FAM169A: variants seen among roughly 807,000 people sequenced by gnomAD.
FAM169A encodes family with sequence similarity 169 member A.
Under a neutral mutation model 75.7 loss-of-function variants are expected in FAM169A, and 24 were observed. The observed-to-expected ratio is 0.32, with a 90% CI of 0.23 to 0.45. The LOEUF is 0.45. FAM169A is among the 20% of genes least tolerant of loss of function. The pLI is 1.00. For synonymous variants in FAM169A, 271 were observed against 271.0 expected (o/e 1.00, Z 0.00); for missense variants, 673 against 784.0 (o/e 0.86, Z 1.69).
At chr5:74,786,528 C>T (rs577606023) in intron 11 of FAM169A, among the ~76,000 whole-genome samples, 6 of 152,190 alleles carry the variant, frequency 3.9e-5, no homozygotes, top group Middle Eastern at 6.8e-3. Context: ...ATACACCGCT[C>T]GTGAGAGGGA....
At chr5:74,824,662 GAAA>G (rs1306147974) in intron 5 of FAM169A, among the ~76,000 whole-genome samples, 1 of 131,658 alleles carries the variant, frequency 7.6e-6, no homozygotes, top group Non-Finnish European at 1.6e-5. Context: ...TAAGACTTAA[GAAA>G]AAAAAAAAGC....
At chr5:74,784,607 T>TAA (rs70976133) in intron 11 of FAM169A, among the ~76,000 whole-genome samples, 22 of 60,576 alleles carry the variant, frequency 3.6e-4, no homozygotes, top group African/African-American at 1.1e-3. Flanking sequence ...CAACCCAGGC[T>TAA]AAAAAAAAAA....
At position 74,847,443 on chromosome 5, in the gene FAM169A, G is replaced by A. The variant is rs541960402; in HGVS notation, c.-3-5764C>T. Among the ~76,000 whole-genome samples the A allele has an allele frequency of 2.6e-5, 4 of 152,136 alleles. No homozygotes were observed. In the South Asian group the frequency reaches 8.3e-4, roughly 32 times the overall value. On this transcript the variant is annotated intron_variant, in intron 1 of 12. Coordinates refer to ENST00000687041, the MANE Select transcript of FAM169A (RefSeq NM_001376049.1). ...CATAATGGTCACAAAGTTCATCCACGTTGTAGCATGTATCAGAATCTCAAC... is the reference window on the plus strand; with the variant it reads ...CATAATGGTCACAAAGTTCATCCACATTGTAGCATGTATCAGAATCTCAAC...
intron 11 of FAM169A, among the ~76,000 whole-genome samples, chr5:74,787,389 T>C (rs1346969016): frequency 6.6e-6 from 1 of 152,144 alleles, no homozygotes; most frequent in Non-Finnish European, 1.5e-5. Flanking sequence ...CTTGGTTTAA[T>C]GTAGAGGAAG....
chr5:74,808,774 A>G lies in FAM169A; in HGVS notation c.671-3490T>C, dbSNP rs559940887. Among the ~76,000 whole-genome samples the G allele has an allele frequency of 3.1e-3, 465 of 152,286 alleles. 2 individuals carry two copies. Among genetic ancestry groups the G allele is most frequent in the Non-Finnish European group, 5.0e-3 (339 of 68,030 alleles). On this transcript the variant is annotated intron_variant, in intron 6 of 12. Transcript: ENST00000687041. ...AATTATCTCTGGGGAGGAAAGGAGAAAGCAGAGTGGTATTAGGGAAGGGTT... is the reference window on the plus strand; with the variant it reads ...AATTATCTCTGGGGAGGAAAGGAGAGAGCAGAGTGGTATTAGGGAAGGGTT...
upstream of FAM169A, chr5:74,866,522 G>A (rs920859551): frequency 1.7e-6 from 1 of 601,298 alleles, no homozygotes; most frequent in Non-Finnish European, 2.1e-6. Flanking sequence ...CCGGCTTTCA[G>A]GCGCCGGCCC....
In FAM169A at chr5:74,777,998, T is replaced by G. The variant is rs1745207311; in HGVS notation, c.*3462A>C. The G allele has an allele frequency of 6.6e-6, 1 of 152,158 alleles. No homozygotes were observed. Among genetic ancestry groups the G allele is most frequent in the South Asian group, 2.1e-4 (1 of 4,824 alleles). 9.4% of individuals were successfully genotyped at this position (152,158 alleles called of 1,614,324 possible). On this transcript the variant is annotated 3_prime_UTR_variant, in exon 13 of 13. Coordinates refer to ENST00000687041, the MANE Select transcript of FAM169A (RefSeq NM_001376049.1). ...AGGTAAGCCTTTCTTACAATTAGAT[T>G]TTAGCAGATAATTTTACCACTAATA...
Position 74,866,342 on chromosome 5 carries a change from G to T in FAM169A, c.-181C>A. 11 of 984,282 alleles carry T rather than the reference G, an allele frequency of 1.1e-5. No individual in the cohort carries two copies. Among genetic ancestry groups the T allele is most frequent in the Non-Finnish European group, 1.3e-5 (11 of 829,596 alleles). The allele number at this position is 984,282 out of a possible 1,614,324, so 61.0% of individuals were successfully genotyped here. ...CGCCCCGGACGCCCGGCTCCTCGTCGCGGGTCGGCCGCGGCCCACCGTGCC... is the reference window on the plus strand; with the variant it reads ...CGCCCCGGACGCCCGGCTCCTCGTCTCGGGTCGGCCGCGGCCCACCGTGCC... On this transcript the variant is annotated 5_prime_UTR_variant, in exon 1 of 13. Coordinates refer to ENST00000687041, the MANE Select transcript of FAM169A (RefSeq NM_001376049.1).
chr5:74,835,998 A>C (rs1042988812), intron 4 of FAM169A, among the ~76,000 whole-genome samples: 1 of 152,246 alleles, frequency 6.6e-6, no homozygotes, highest in Non-Finnish European at 1.5e-5. Context: ...GGAAAAGGCT[A>C]ATCTAACACA....
At chr5:74,785,759 A>G (rs1359167734) in intron 11 of FAM169A, among the ~76,000 whole-genome samples, 1 of 152,208 alleles carries the variant, frequency 6.6e-6, no homozygotes, top group African/African-American at 2.4e-5. Flanking sequence ...ATCTGTCTCA[A>G]AACACACACA....
Position 74,783,257 on chromosome 5 carries a change from G to A in FAM169A, c.1261-123C>T, listed in dbSNP as rs571256628. On this transcript the variant is annotated intron_variant, in intron 11 of 12. Transcript: ENST00000687041. ...CACCAAGACTCAAATTTACATTATAGGACATGGGTTAAAGAACAGTCTTAC... is the reference window on the plus strand; with the variant it reads ...CACCAAGACTCAAATTTACATTATAAGACATGGGTTAAAGAACAGTCTTAC... The A allele has an allele frequency of 1.1e-5, 7 of 654,428 alleles. No homozygotes were observed. In the South Asian group the frequency reaches 1.3e-4, roughly 12 times the overall value. 40.5% of individuals were successfully genotyped at this position (654,428 alleles called of 1,614,324 possible).
At chr5:74,822,909 T>TCC (rs1747834260) in intron 5 of FAM169A, among the ~76,000 whole-genome samples, 1 of 151,940 alleles carries the variant, frequency 6.6e-6, no homozygotes. Flanking sequence ...GTTCCTCCAC[T>TCC]CCCCGCCTAC....
chr5:74,803,919 ATG>A (rs2112539092), intron 8 of FAM169A, among the ~76,000 whole-genome samples: 1 of 152,282 alleles, frequency 6.6e-6, no homozygotes, highest in African/African-American at 2.4e-5. Flanking sequence ...TCATATATAA[ATG>A]TGTTTGCTCC....
At chr5:74,862,387 T>C (rs1750083070) in intron 1 of FAM169A, among the ~76,000 whole-genome samples, 1 of 152,210 alleles carries the variant, frequency 6.6e-6, no homozygotes, top group Admixed American at 6.5e-5. Flanking sequence ...CTCTATGCTT[T>C]AGCATTTGCT....
At chr5:74,848,015 C>T (rs1749249380) in intron 1 of FAM169A, among the ~76,000 whole-genome samples, 1 of 152,028 alleles carries the variant, frequency 6.6e-6, no homozygotes, top group African/African-American at 2.4e-5. Context: ...TCCATCATAG[C>T]TTTTAATATG....
At chr5:74,795,983 A>T (rs752644121) in intron 11 of FAM169A, 47 bp downstream of exon 11, 1 of 1,579,290 alleles carries the variant, frequency 6.3e-7, no homozygotes, top group Non-Finnish European at 8.6e-7. Context: ...AAGAAAGGTA[A>T]AATTTAGTTT....
chr5:74,847,676 A>T (rs1456529412), intron 1 of FAM169A, among the ~76,000 whole-genome samples: 2 of 152,242 alleles, frequency 1.3e-5, no homozygotes, highest in Admixed American at 1.3e-4. Flanking sequence ...GTAGTATGTC[A>T]GCACATTAGA....
At chr5:74,814,085 ATGAGT>A (rs1747346928) in intron 5 of FAM169A, 66 bp from the exon 6 acceptor site, 2 of 1,286,736 alleles carry the variant, frequency 1.6e-6, no homozygotes, top group Non-Finnish European at 2.1e-6. Context: ...ATTTAGTGAC[ATGAGT>A]TAACAGTCTT....
intron 1 of FAM169A, among the ~76,000 whole-genome samples, chr5:74,860,225 C>G (rs971747689): frequency 1.1e-4 from 16 of 152,116 alleles, no homozygotes; most frequent in African/African-American, 3.6e-4. Flanking sequence ...ATGGAAGTAT[C>G]AGAATAAATT....
Sources: gnomAD v4.1 joint callset for allele counts (sites outside exome capture counted in the v4.1 genomes callset) on GRCh38, gnomAD v4.1.1 for gene constraint, MANE v1.5 for transcripts, NCBI Gene and HGNC (gene_info 2026-07-23, HGNC 2026-07-21) for gene names.